The following TRIT1 variants were observed in gnomAD, a reference collection of about 807,000 sequenced individuals.
TRIT1 encodes the protein tRNA isopentenyltransferase 1, also known as tRNA dimethylallyltransferase.
A neutral mutation model predicts 51.2 loss-of-function variants in TRIT1; 43 were observed. The ratio of observed to expected loss-of-function variants is 0.84; its 90% confidence interval spans 0.66 to 1.08. TRIT1 has a LOEUF of 1.08. Ranked by LOEUF, TRIT1 falls within the 50% of genes least tolerant of loss-of-function variation. The pLI is 0.00. For missense variants in TRIT1, 528 were observed against 578.4 expected (o/e 0.91, Z 0.89); for synonymous variants, 184 against 203.9 (o/e 0.90, Z 0.83).
chr1:39,856,413 G>A lies in TRIT1; in HGVS notation c.315+864C>T, dbSNP rs145565112. On this transcript the variant is annotated intron_variant, in intron 2 of 10. Coordinates refer to ENST00000316891, the MANE Select transcript of TRIT1 (RefSeq NM_017646.6). ...GTGGGAGGATCACCTGAGCCCAGGAGGTCAAGGTGGCAATGAGCCATGACG... is the reference window on the plus strand; with the variant it reads ...GTGGGAGGATCACCTGAGCCCAGGAAGTCAAGGTGGCAATGAGCCATGACG... Among the ~76,000 whole-genome samples the A allele has an allele frequency of 7.0e-3, 1,056 of 150,890 alleles. 19 individuals carry two copies. Among genetic ancestry groups the A allele is most frequent in the African/African-American group, 0.025 (1,012 of 41,012 alleles).
At position 39,851,086 on chromosome 1, in the gene TRIT1, T is replaced by A. The variant is rs573104825; in HGVS notation, c.561-825A>T. Among the ~76,000 whole-genome samples, 25 of 152,280 alleles carry A rather than the reference T, an allele frequency of 1.6e-4. No individual in the cohort carries two copies. In the South Asian group the frequency reaches 2.3e-3, roughly 14 times the overall value. On this transcript the variant is annotated intron_variant, in intron 4 of 10. Transcript: ENST00000316891. The stretch of plus-strand genomic sequence containing the variant: ...GTGATCTTTCTCTTCCTGACCCAAT[T>A]CTACTTCCTGAAACCCTAACGCAAG...
At chr1:39,853,479 C>T (rs1034629074) in intron 3 of TRIT1, among the ~76,000 whole-genome samples, 1 of 152,108 alleles carries the variant, frequency 6.6e-6, no homozygotes, top group Admixed American at 6.5e-5. Flanking sequence ...TCACTGCAAC[C>T]TCCGCCTCAA....
rs372871349 is a variant in TRIT1, at chr1:39,845,373, T to C, written c.1007-733A>G. On this transcript the variant is annotated intron_variant, in intron 8 of 10. Coordinates refer to ENST00000316891, the MANE Select transcript of TRIT1 (RefSeq NM_017646.6). Reference sequence around the variant, plus strand: ...GTTTAGTCTCTGTGGTTAGCTTCCCTGCCTATATACACACTAAACTGCCTT... The same window carrying C: ...GTTTAGTCTCTGTGGTTAGCTTCCCCGCCTATATACACACTAAACTGCCTT... Among the ~76,000 whole-genome samples the C allele has an allele frequency of 2.0e-5, 3 of 152,372 alleles. No individual in the cohort carries two copies. In the South Asian group the frequency reaches 6.2e-4, roughly 32 times the overall value.
intron 2 of TRIT1, among the ~76,000 whole-genome samples, chr1:39,855,718 T>C (rs1372114541): frequency 1.3e-5 from 2 of 152,146 alleles, no homozygotes; most frequent in Non-Finnish European, 2.9e-5. Flanking sequence ...AATGTTAAGA[T>C]TCCAGAAGAG....
At chr1:39,853,375 A>G (rs1388748986) in intron 3 of TRIT1, among the ~76,000 whole-genome samples, 1 of 151,552 alleles carries the variant, frequency 6.6e-6, no homozygotes, top group African/African-American at 2.4e-5. Flanking sequence ...CTAAAGAATT[A>G]TACATATTTT....
At chr1:39,864,335 C>T (rs938421866) in intron 1 of TRIT1, among the ~76,000 whole-genome samples, 5 of 151,440 alleles carry the variant, frequency 3.3e-5, no homozygotes, top group South Asian at 2.1e-4. Flanking sequence ...CCAGGCCAGG[C>T]GCGGTGGCTC....
chr1:39,847,874 A>G (rs1476432362), intron 6 of TRIT1, 112 bp downstream of exon 6: 32 of 1,341,458 alleles, frequency 2.4e-5, no homozygotes, highest in Non-Finnish European at 3.3e-5. Flanking sequence ...AAAAAACTGC[A>G]TCTGCAAAGA....
chr1:39,881,581 T>C (rs929643965), intron 1 of TRIT1: 1 of 151,888 alleles, frequency 6.6e-6, no homozygotes, highest in Non-Finnish European at 1.5e-5. Flanking sequence ...ACTAGTCATG[T>C]ACAGTAGTGA....
intron 9 of TRIT1, 40 bp from the exon 10 acceptor site, chr1:39,844,258 A>T (rs1642093750): frequency 6.8e-7 from 1 of 1,475,848 alleles, no homozygotes; most frequent in Non-Finnish European, 9.4e-7. Context: ...CAATTCAAAG[A>T]GATCTGGATA....
chr1:39,875,729 C>CCAA (rs1644030808), intron 1 of TRIT1, among the ~76,000 whole-genome samples: 1 of 151,846 alleles, frequency 6.6e-6, no homozygotes, highest in Non-Finnish European at 1.5e-5. Flanking sequence ...TCCCACTTTT[C>CCAA]TGCTTGATAA....
intron 1 of TRIT1, among the ~76,000 whole-genome samples, chr1:39,867,388 G>A (rs1047479181): frequency 3.3e-5 from 5 of 152,092 alleles, no homozygotes; most frequent in African/African-American, 7.2e-5. Flanking sequence ...CAGGTGATCC[G>A]CCCGCCTTGG....
At chr1:39,874,659 C>T (rs1456032480) in intron 1 of TRIT1, among the ~76,000 whole-genome samples, 1 of 151,632 alleles carries the variant, frequency 6.6e-6, no homozygotes, top group Non-Finnish European at 1.5e-5. Flanking sequence ...AAGCATGTCT[C>T]ATTTTTCTTT....
At chr1:39,852,973 C>A in intron 3 of TRIT1, 97 bp from the exon 4 acceptor site, 2 of 1,351,932 alleles carry the variant, frequency 1.5e-6, no homozygotes, top group South Asian at 1.4e-5. Context: ...ACAGAATAAT[C>A]AGAAGATCTT....
At position 39,845,036 on chromosome 1, in the gene TRIT1, G is replaced by T. The variant is rs867986722; in HGVS notation, c.1007-396C>A. 2.0e-5 allele frequency among the ~76,000 whole-genome samples: 3 copies of T among 152,364 alleles called. No individual in the cohort carries two copies. In the South Asian group the frequency reaches 6.2e-4, roughly 32 times the overall value. ...ACAATGATGGCGATCTGTGGCAAGA[G>T]AATTCACAGCTTTCTTTAGGAGCAG... is the stretch of plus-strand genomic sequence containing the variant. On this transcript the variant is annotated intron_variant, in intron 8 of 10. Coordinates refer to ENST00000316891, the MANE Select transcript of TRIT1 (RefSeq NM_017646.6).
chr1:39,875,975 G>A (rs1644040059), intron 1 of TRIT1: 1 of 152,034 alleles, frequency 6.6e-6, no homozygotes, highest in Non-Finnish European at 1.5e-5. Flanking sequence ...ATTATCTTCA[G>A]TAGTATAATT....
At chr1:39,875,168 AC>A (rs1350972717) in intron 1 of TRIT1, among the ~76,000 whole-genome samples, 4 of 151,726 alleles carry the variant, frequency 2.6e-5, no homozygotes, top group African/African-American at 9.7e-5. Flanking sequence ...TCCTTCTCTA[AC>A]CCACTCTCCA....
chr1:39,842,681 G>C (rs1258883974), intron 10 of TRIT1, among the ~76,000 whole-genome samples: 1 of 152,122 alleles, frequency 6.6e-6, no homozygotes, highest in Non-Finnish European at 1.5e-5. Flanking sequence ...TCACTATCCT[G>C]TTCTTTTTTC....
chr1:39,848,813 ACT>A (rs1417745250), intron 5 of TRIT1, among the ~76,000 whole-genome samples: 1 of 151,058 alleles, frequency 6.6e-6, no homozygotes, highest in Admixed American at 6.6e-5. Context: ...ACAGGGCGAG[ACT>A]CTGTCTCAAA....
At chr1:39,847,851 T>C (rs1056318501) in intron 6 of TRIT1, 135 bp downstream of exon 6, 24 of 1,359,694 alleles carry the variant, frequency 1.8e-5, no homozygotes, top group Non-Finnish European at 2.2e-5. Context: ...CTCCTGGGAC[T>C]GTCTGAAAGA....
Sources: gnomAD v4.1 joint callset for allele counts (sites outside exome capture counted in the v4.1 genomes callset) on GRCh38, gnomAD v4.1.1 for gene constraint, MANE v1.5 for transcripts, NCBI Gene and HGNC (gene_info 2026-07-23, HGNC 2026-07-21) for gene names.